The following ZBTB7A variants were observed in gnomAD, a reference collection of about 807,000 sequenced individuals.
The protein encoded by ZBTB7A is zinc finger and BTB domain-containing protein 7A.
Under a neutral mutation model 26.7 loss-of-function variants are expected in ZBTB7A, and 7 were observed. The observed-to-expected ratio is 0.26, with a 90% CI of 0.15 to 0.49. The LOEUF (loss-of-function observed/expected upper bound fraction) is 0.49, where lower values mean the gene tolerates loss of function less well. Among genes scored for constraint, ZBTB7A ranks in the 20% least tolerant of loss-of-function variants. ZBTB7A has a pLI of 0.98. For missense variants in ZBTB7A, 617 were observed against 919.5 expected, an observed-to-expected ratio of 0.67 and a Z score of 4.25; for synonymous variants, 452 against 441.0, an observed-to-expected ratio of 1.02 and a Z score of -0.31.
At chr19:4,066,319 C>T (rs1568240112) in intron 1 of ZBTB7A, among the ~76,000 whole-genome samples, 1 of 150,438 alleles carries the variant, frequency 6.6e-6, no homozygotes, top group Admixed American at 6.6e-5. Flanking sequence ...GCAGGCGACG[C>T]GCCCCCCTAT....
At chr19:4,053,199 G>C (rs561848823) in intron 2 of ZBTB7A, among the ~76,000 whole-genome samples, 5 of 152,188 alleles carry the variant, frequency 3.3e-5, no homozygotes, top group Non-Finnish European at 5.9e-5. Flanking sequence ...AACCCTGTCC[G>C]GCACGCTTTG....
rs779586141 is a variant in ZBTB7A, at chr19:4,047,830, C to T, written c.1677G>A (p.Ala559=). ...SPDGLGRLNV[A]GAGGGGDSGG... ...CGCTGTCACCTCCTCCACCGGCGCCCGCTACATTCAACCGGCCCAAGCCGT... is the reference window on the plus strand; with the variant it reads ...CGCTGTCACCTCCTCCACCGGCGCCTGCTACATTCAACCGGCCCAAGCCGT... The change falls in exon 3 of 3, where the codon GCG becomes GCA. Residue 559 remains alanine (A), a synonymous_variant. Transcript: ENST00000322357. 2.1e-5 allele frequency: 34 copies of T among 1,605,748 alleles called. No individual in the cohort carries two copies. The Middle Eastern group carries it at 8.3e-4, about 39-fold the overall frequency.
rs1405164996 is a variant in ZBTB7A, at chr19:4,046,648, G to C, written c.*1104C>G. On this transcript the variant is annotated 3_prime_UTR_variant, in exon 3 of 3. Transcript: ENST00000322357. ...TTGTTTTATTGCTTTTGTGACATTG[G>C]AATTTGTGGATTTTCTCTCTCTCCC... 1 of 147,714 alleles carries C rather than the reference G, an allele frequency of 6.8e-6. No individual in the cohort carries two copies. The highest frequency in any genetic ancestry group is 1.5e-5 in the Non-Finnish European group (1 of 67,034). 9.2% of individuals were successfully genotyped at this position (147,714 alleles called of 1,614,324 possible).
rs1369423910 is a variant in ZBTB7A at position 4,052,965 on chromosome 19, G to C, written c.1262+1006C>G. 1.3e-5 allele frequency among the ~76,000 whole-genome samples: 2 copies of C among 152,180 alleles called. No homozygotes were observed. Among genetic ancestry groups the C allele is most frequent in the Non-Finnish European group, 2.9e-5 (2 of 68,032 alleles). ...GTCCCCGGCGCCTAGAACAGGCCTG[G>C]CACCAGCAGACGCTTCATAAATGTT... On this transcript the variant is annotated intron_variant, in intron 2 of 2. Coordinates refer to ENST00000322357, the MANE Select transcript of ZBTB7A (RefSeq NM_015898.4). This position sits in a 1 kb window ranked among gnomAD's most constrained non-coding sequence, Gnocchi z 4.9.
Position 4,048,263 on chromosome 19 carries a change from G to T in ZBTB7A, c.1263-19C>A. On this transcript the variant is annotated intron_variant, in intron 2 of 2. Coordinates refer to ENST00000322357, the MANE Select transcript of ZBTB7A (RefSeq NM_015898.4). The surrounding 1 kb of genome is among the most constrained non-coding windows in gnomAD (Gnocchi z 6.7). ...GTCCTGCCTGTGGACGGGGCACGGG[G>T]CGGGCACGGTCAGTGGGGCCGGGGA... The T allele has an allele frequency of 6.4e-7, 1 of 1,563,764 alleles. No individual in the cohort carries two copies. The highest frequency in any genetic ancestry group is 1.2e-5 in the South Asian group (1 of 86,566).
intron 1 of ZBTB7A, chr19:4,061,625 G>C (rs576890826): frequency 6.6e-6 from 1 of 152,274 alleles, no homozygotes; most frequent in Non-Finnish European, 1.5e-5. Flanking sequence ...GCCATTTTAC[G>C]TGTCCATTTA....
At position 4,050,956 on chromosome 19, in the gene ZBTB7A, G is replaced by A. The variant is rs1003199878; in HGVS notation, c.1263-2712C>T. On this transcript the variant is annotated intron_variant, in intron 2 of 2. Transcript: ENST00000322357. ...TCTACTAAAAATACAAAAATTAGCC[G>A]GCATGGTGGTGGGCGCCTATAATCC... 6.6e-5 allele frequency among the ~76,000 whole-genome samples: 10 copies of A among 151,878 alleles called. No individual in the cohort carries two copies. In the East Asian group the frequency reaches 1.2e-3, roughly 18 times the overall value.
At chr19:4,065,786 T>G (rs2040689825) in intron 1 of ZBTB7A, 1 of 135,870 alleles carries the variant, frequency 7.4e-6, no homozygotes, top group Non-Finnish European at 1.6e-5. Flanking sequence ...CTGGGGACGG[T>G]TACACAACCA....
In ZBTB7A at chr19:4,047,288, A is replaced by G. The variant is rs1438843205; in HGVS notation, c.*464T>C. ...AGAAATCATTTAAGGTCTTGTCTGA[A>G]AGACTCATAGAAACCAGCGAGGGGA... On this transcript the variant is annotated 3_prime_UTR_variant, in exon 3 of 3. Transcript: ENST00000322357. 1 of 152,158 alleles carries G rather than the reference A, an allele frequency of 6.6e-6. No homozygotes were observed. The highest frequency in any genetic ancestry group is 1.5e-5 in the Non-Finnish European group (1 of 68,066). The allele number at this position is 152,158 out of a possible 1,614,324, so 9.4% of individuals were successfully genotyped here. A position where few individuals can be genotyped will look rare whatever the true frequency, so the allele number is the denominator to read the frequency against.
intron 1 of ZBTB7A, among the ~76,000 whole-genome samples, chr19:4,057,596 T>C (rs1475462574): frequency 1.3e-5 from 2 of 151,650 alleles, no homozygotes; most frequent in Non-Finnish European, 2.9e-5. Context: ...GAGACCATCC[T>C]GGGCAACATG....
intron 1 of ZBTB7A, among the ~76,000 whole-genome samples, chr19:4,061,356 G>A (rs1479153722): frequency 2.0e-5 from 3 of 152,068 alleles, no homozygotes; most frequent in Admixed American, 1.3e-4. Context: ...TGCCAGGCCC[G>A]CACCCGGCAG....
intron 2 of ZBTB7A, among the ~76,000 whole-genome samples, chr19:4,051,251 C>T (rs532088917): frequency 6.6e-6 from 1 of 152,146 alleles, no homozygotes; most frequent in Non-Finnish European, 1.5e-5. Context: ...CTGACCTACT[C>T]CTTGCTGCTG....
In ZBTB7A at chr19:4,048,208, C is replaced by A. The variant is rs747204568; in HGVS notation, c.1299G>T (p.Thr433=). The A allele has an allele frequency of 7.5e-6, 12 of 1,598,378 alleles. No individual in the cohort carries two copies. The South Asian group carries it at 1.3e-4, about 18-fold the overall frequency. ...GCTGGCACAGGTACGGCTTCTCGCC[C>A]GTGTGCTTCCGCATGTGCACCTTCA... The part of the protein sequence containing the change: ...DKLKVHMRKH[T]GEKPYLCQQC... The change falls in exon 3 of 3, where the codon ACG becomes ACT. Residue 433 remains threonine (T), a synonymous_variant. Coordinates refer to ENST00000322357, the MANE Select transcript of ZBTB7A (RefSeq NM_015898.4). This position sits in a 1 kb window ranked among gnomAD's most constrained non-coding sequence, Gnocchi z 6.7.
rs1168435296 is a variant in ZBTB7A, at chr19:4,054,090, G to C, written c.1143C>G (p.Phe381Leu). 1 of 1,611,320 alleles carries C rather than the reference G, an allele frequency of 6.2e-7. No homozygotes were observed. Among genetic ancestry groups the C allele is most frequent in the Non-Finnish European group, 8.5e-7 (1 of 1,179,896 alleles). The change falls in exon 2 of 3, where the codon TTC becomes TTG. Residue 381 changes from phenylalanine to leucine, a missense_variant. Transcript: ENST00000322357. The stretch of plus-strand genomic sequence containing the variant: ...CCTTCTCGCAGATGGGGCACTTCTG[G>C]AAGGCCTTGGCTCGGATCTTCTTCT... The part of the protein sequence containing the change: ...KVEKKIRAKA[F>L]QKCPICEKVI...
At position 4,055,221 on chromosome 19, in the gene ZBTB7A, G is replaced by A. The variant is rs550633705; in HGVS notation, c.12C>T (p.Gly4=). Residue 4 remains glycine (G), a synonymous_variant, in exon 2 of 3, where the codon GGC becomes GGT. Transcript: ENST00000322357. MAG[G]VDGPIGIPFP... ...ACGGGATCCCGATGGGGCCGTCCAC[G>A]CCGCCGGCCATCTTCCGCGCCGAGA... 37 of 1,520,140 alleles carry A rather than the reference G, an allele frequency of 2.4e-5. No homozygotes were observed. The African/African-American group carries it at 4.8e-4, about 20-fold the overall frequency. The allele number at this position is 1,520,140 out of a possible 1,614,324, so 94.2% of individuals were successfully genotyped here.
chr19:4,059,160 C>G (rs776444880), intron 1 of ZBTB7A, among the ~76,000 whole-genome samples: 1 of 152,316 alleles, frequency 6.6e-6, no homozygotes, highest in South Asian at 2.1e-4. Flanking sequence ...CTACCCACCC[C>G]AGCATGGGGG....
chr19:4,043,851 C>T lies in ZBTB7A; in HGVS notation c.*3901G>A, dbSNP rs1422907913. Among the ~76,000 whole-genome samples, 27 of 145,226 alleles carry T rather than the reference C, an allele frequency of 1.9e-4. 1 individual carries two copies. Among genetic ancestry groups the T allele is most frequent in the Non-Finnish European group, 3.7e-4 (24 of 64,518 alleles). ...CTGCGCCAGCCACCCACCACCCCCCCCCCCCCACCTCCAGGAAGGCTGCTT... is the reference window on the plus strand; with the variant it reads ...CTGCGCCAGCCACCCACCACCCCCCTCCCCCCACCTCCAGGAAGGCTGCTT... On this transcript the variant is annotated 3_prime_UTR_variant, in exon 3 of 3. Transcript: ENST00000322357.
At chr19:4,049,345 T>G (rs2040472681) in intron 2 of ZBTB7A, among the ~76,000 whole-genome samples, 1 of 150,358 alleles carries the variant, frequency 6.7e-6, no homozygotes, top group Admixed American at 6.6e-5. Context: ...CATGAACCCC[T>G]TTCCCTACCA....
rs1368158805 is a variant in ZBTB7A at position 4,045,600 on chromosome 19, T to G, written c.*2152A>C. ...AAAAAGAGACGAGAAGATGTGTGTG[T>G]CACAGAGAAGGGGGTATGGGGGGGT... is the stretch of plus-strand genomic sequence containing the variant. On this transcript the variant is annotated 3_prime_UTR_variant, in exon 3 of 3. Transcript: ENST00000322357. This position sits in a 1 kb window ranked among gnomAD's most constrained non-coding sequence, Gnocchi z 4.1. The G allele has an allele frequency of 3.7e-6, 1 of 271,846 alleles. No individual in the cohort carries two copies. Among genetic ancestry groups the G allele is most frequent in the East Asian group, 6.2e-5 (1 of 16,060 alleles). 16.8% of individuals were successfully genotyped at this position (271,846 alleles called of 1,614,324 possible).
Sources: allele counts gnomAD v4.1 joint callset (sites outside exome capture counted in the v4.1 genomes callset), GRCh38; gene constraint gnomAD v4.1.1; non-coding constraint Gnocchi (gnomAD v3.1); transcripts MANE v1.5; gene names NCBI Gene and HGNC (gene_info 2026-07-23, HGNC 2026-07-21).